Variants in ATRX observed in about 807,000 individuals in gnomAD.
ATRX encodes ATRX chromatin remodeler.
A neutral mutation model predicts 172.6 loss-of-function variants in ATRX; 12 were observed. The observed-to-expected ratio is 0.07, with a 90% confidence interval of 0.04 to 0.11. ATRX has a LOEUF of 0.11. Among genes scored for constraint, ATRX ranks in the 10% least tolerant of loss-of-function variants. The probability of loss-of-function intolerance (pLI) is 1.00; values close to 1 mark genes in which losing one functional copy is unlikely to be tolerated. For missense variants in ATRX, 1,368 were observed against 1,767.4 expected, an observed-to-expected ratio of 0.77 and a Z score of 4.05; for synonymous variants, 674 against 594.7, an observed-to-expected ratio of 1.13 and a Z score of -1.94.
At chrX:77,530,896 G>C (rs2063553969) in intron 30 of ATRX, among the ~76,000 whole-genome samples, 1 of 111,526 alleles carries the variant, frequency 9.0e-6, no homozygotes, top group Non-Finnish European at 1.9e-5. Context: ...AGAAAAGAAA[G>C]AAGAATCAAA....
At chrX:77,659,643 A>G (rs1194553640) in intron 12 of ATRX, among the ~76,000 whole-genome samples, 1 of 111,124 alleles carries the variant, frequency 9.0e-6, no homozygotes, top group Non-Finnish European at 1.9e-5. Context: ...TCTGAAAAAA[A>G]AATTACTATC....
At chrX:77,715,074 A>C (rs2073307070) in intron 2 of ATRX, among the ~76,000 whole-genome samples, 1 of 109,145 alleles carries the variant, frequency 9.2e-6, no homozygotes. Context: ...GTTGACATCA[A>C]GTTCTCACTT....
chrX:77,644,515 T>C (rs1186658243), intron 15 of ATRX, among the ~76,000 whole-genome samples: 1 of 111,427 alleles, frequency 9.0e-6, no homozygotes, highest in East Asian at 2.8e-4. Flanking sequence ...CAAACCAACA[T>C]GGCACATGTA....
At chrX:77,784,767 T>C (rs185616111) in intron 1 of ATRX, among the ~76,000 whole-genome samples, 4 of 111,951 alleles carry the variant, frequency 3.6e-5, no homozygotes, top group Non-Finnish European at 7.5e-5. Context: ...AATACAGACA[T>C]ACGTATCATA....
Position 77,684,949 on chromosome X carries a change from C to G in ATRX, c.652G>C (p.Glu218Gln), listed in dbSNP as rs1557143068. ...DISRDSDGMD[E>Q]QCRWCAEGGN... ...ATCTATATTACCTACCTACATTGTT[C>G]ATCCATTCCATCTGAGTCACGGCTA... The change falls in exon 8 of 35, where the codon GAA becomes CAA. Residue 218 changes from glutamate to glutamine, a missense_variant. Around this residue, in one of 17 missense-constraint regions of ATRX, gnomAD observed 9 missense variants for 69.7 expected, o/e 0.13. Transcript: ENST00000373344. 8.3e-7 allele frequency: 1 copy of G among 1,201,258 alleles called. No homozygotes were observed. Among genetic ancestry groups the G allele is most frequent in the Non-Finnish European group, 1.1e-6 (1 of 886,036 alleles).
Position 77,712,308 on chromosome X carries a change from C to T in ATRX, c.133+4823G>A, listed in dbSNP as rs782752078. Among the ~76,000 whole-genome samples the T allele has an allele frequency of 7.1e-5, 8 of 112,211 alleles. No homozygotes were observed. In the South Asian group the frequency reaches 3.0e-3, roughly 41 times the overall value. On this transcript the variant is annotated intron_variant, in intron 2 of 34. Transcript: ENST00000373344. ...CCTTCAGTATGCTGCCCAGAATTTA[C>T]AATTGGTATTTGTGAGTGACATCTG...
In ATRX at chrX:77,685,638, C is replaced by CA. The variant is rs782624269; in HGVS notation, c.595-633dup. ...TATAGAAAACAGTTGGGAGATTCCT[C>CA]AAAAAAACTAAAAATTGAGATACCG... On this transcript the variant is annotated intron_variant, in intron 7 of 34. Coordinates refer to ENST00000373344, the MANE Select transcript of ATRX (RefSeq NM_000489.6). Among the ~76,000 whole-genome samples, 8 of 110,940 alleles carry CA rather than the reference C, an allele frequency of 7.2e-5. No individual in the cohort carries two copies. In the South Asian group the frequency reaches 3.0e-3, roughly 42 times the overall value.
intron 30 of ATRX, among the ~76,000 whole-genome samples, chrX:77,529,997 C>T (rs1157871673): frequency 3.6e-5 from 4 of 111,874 alleles, no homozygotes; most frequent in Non-Finnish European, 7.5e-5. Context: ...ACAGAATATA[C>T]GTTCTTCTCA....
chrX:77,637,565 T>C (rs1227889909), intron 15 of ATRX, among the ~76,000 whole-genome samples: 1 of 111,353 alleles, frequency 9.0e-6, no homozygotes, highest in South Asian at 3.8e-4. Context: ...TACAAAATAC[T>C]AGTTTAGTAA....
At chrX:77,720,449 A>C (rs1171278112) in intron 1 of ATRX, among the ~76,000 whole-genome samples, 6 of 111,713 alleles carry the variant, frequency 5.4e-5, no homozygotes, top group Non-Finnish European at 5.6e-5. Context: ...AAAGAACAAA[A>C]GAGAGAAGAA....
chrX:77,617,831 C>T (rs1256011334), intron 21 of ATRX, among the ~76,000 whole-genome samples: 1 of 110,656 alleles, frequency 9.0e-6, no homozygotes, highest in Non-Finnish European at 1.9e-5. Flanking sequence ...ATCCTCCTGC[C>T]TCAGCCTCCC....
At chrX:77,553,156 C>T (rs1248243890) in intron 30 of ATRX, among the ~76,000 whole-genome samples, 3 of 111,675 alleles carry the variant, frequency 2.7e-5, no homozygotes, top group Non-Finnish European at 3.8e-5. Context: ...AATATCAAAA[C>T]GTACCCATTT....
chrX:77,760,615 A>G (rs2075682123), intron 1 of ATRX, among the ~76,000 whole-genome samples: 1 of 109,940 alleles, frequency 9.1e-6, no homozygotes, highest in East Asian at 2.8e-4. Context: ...TTAAAGTATA[A>G]TAATAAAAAT....
chrX:77,548,417 A>G (rs2064330312), intron 30 of ATRX, among the ~76,000 whole-genome samples: 2 of 111,806 alleles, frequency 1.8e-5, no homozygotes, highest in African/African-American at 3.2e-5. Context: ...TGATTAAAAA[A>G]AAGGCAAAGA....
rs1320861539 is a variant in ATRX, at chrX:77,566,529, G to T, written c.6327-7683C>A. 4.5e-5 allele frequency among the ~76,000 whole-genome samples: 5 copies of T among 112,094 alleles called. No homozygotes were observed. In the East Asian group the frequency reaches 1.4e-3, roughly 31 times the overall value. ...GCACATTGGGAGGCCAAAGCAGGTG[G>T]ATCACTTGAGCTCAGGAGTTCAAGA... is the stretch of plus-strand genomic sequence containing the variant. On this transcript the variant is annotated intron_variant, in intron 28 of 34. Transcript: ENST00000373344.
At chrX:77,607,250 C>T (rs1191519670) in intron 22 of ATRX, among the ~76,000 whole-genome samples, 4 of 112,055 alleles carry the variant, frequency 3.6e-5, no homozygotes, top group Admixed American at 1.9e-4. Context: ...AAACTAAAGA[C>T]TCCACCAAAA....
intron 12 of ATRX, among the ~76,000 whole-genome samples, chrX:77,658,532 T>C (rs184229328): frequency 1.8e-5 from 2 of 112,168 alleles, no homozygotes; most frequent in East Asian, 5.6e-4. Flanking sequence ...CTGAATAAGA[T>C]CTATAGTTTA....
intron 2 of ATRX, among the ~76,000 whole-genome samples, chrX:77,704,387 T>C (rs1408606716): frequency 9.0e-6 from 1 of 111,635 alleles, no homozygotes; most frequent in African/African-American, 3.3e-5. Context: ...GGGGAGGATG[T>C]GCATGCCAAT....
At chrX:77,721,943 A>T (rs2073792760) in intron 1 of ATRX, among the ~76,000 whole-genome samples, 1 of 112,045 alleles carries the variant, frequency 8.9e-6, no homozygotes, top group Admixed American at 9.5e-5. Flanking sequence ...GGCTACAGTA[A>T]CCAAAACAGC....
Sources: allele counts gnomAD v4.1 joint callset (sites outside exome capture counted in the v4.1 genomes callset), GRCh38; gene constraint gnomAD v4.1.1; regional missense constraint gnomAD v4.1.1; transcripts MANE v1.5; gene names NCBI Gene and HGNC (gene_info 2026-07-23, HGNC 2026-07-21).